MOV10: variants seen among roughly 807,000 people sequenced by gnomAD.
The protein encoded by MOV10 is RNA helicase MOV-10.
In MOV10, 39 loss-of-function variants were observed where a neutral mutation model predicts 108.4. The ratio of observed to expected loss-of-function variants is 0.36; its 90% CI spans 0.28 to 0.47. The LOEUF (loss-of-function observed/expected upper bound fraction) is 0.47, where lower values mean the gene tolerates loss of function less well. Ranked by LOEUF, MOV10 falls within the 20% of genes least tolerant of loss-of-function variation. The probability of loss-of-function intolerance (pLI) is 1.00; values close to 1 mark genes in which losing one functional copy is unlikely to be tolerated. For synonymous variants in MOV10, 490 were observed against 523.1 expected, an observed-to-expected ratio of 0.94 and a Z score of 0.86; for missense variants, 952 against 1,297.6, an observed-to-expected ratio of 0.73 and a Z score of 4.09.
intron 2 of MOV10, among the ~76,000 whole-genome samples, chr1:112,681,580 A>C (rs1672654976): frequency 6.6e-6 from 1 of 152,118 alleles, no homozygotes. Context: ...TAGACCTCTA[A>C]TGCATTGTTG....
chr1:112,677,327 C>T (rs963095200), intron 2 of MOV10, among the ~76,000 whole-genome samples: 1 of 152,110 alleles, frequency 6.6e-6, no homozygotes, highest in Non-Finnish European at 1.5e-5. Flanking sequence ...AAGACAGAAG[C>T]GGGTTTCATC....
intron 17 of MOV10, chr1:112,698,999 C>T (rs1674372215): frequency 1.7e-6 from 1 of 577,768 alleles, no homozygotes; most frequent in Non-Finnish European, 3.1e-6. Flanking sequence ...GTTTAACAAA[C>T]ACCTCCTGTC....
In MOV10 at chr1:112,695,934, C is replaced by T. The variant is rs532462811; in HGVS notation, c.1780-214C>T. 7.6e-4 allele frequency among the ~76,000 whole-genome samples: 116 copies of T among 152,102 alleles called. 1 individual carries two copies. Among genetic ancestry groups the T allele is most frequent in the African/African-American group, 2.6e-3 (109 of 41,498 alleles). On this transcript the variant is annotated intron_variant, in intron 11 of 20. Coordinates refer to ENST00000369645, the MANE Select transcript of MOV10 (RefSeq NM_001321324.2). ...GCGCGTGCCTGTAGCCCCAGCTACTCGGGAGGCTGAGGCACGAGAATTGCT... is the reference window on the plus strand; with the variant it reads ...GCGCGTGCCTGTAGCCCCAGCTACTTGGGAGGCTGAGGCACGAGAATTGCT...
Position 112,694,629 on chromosome 1 carries a change from A to C in MOV10, c.1472A>C (p.Lys491Thr). Residue 491 changes from lysine to threonine, a missense_variant and splice_region_variant, in exon 9 of 21, where the codon AAG becomes ACG. Physicochemically the swap from Lys to Thr is moderately conservative, Grantham distance 78 (BLOSUM62 -1). Coordinates refer to ENST00000369645, the MANE Select transcript of MOV10 (RefSeq NM_001321324.2). The surrounding 1 kb of genome is among the most constrained non-coding windows in gnomAD (Gnocchi z 4.1). The part of the protein sequence containing the change: ...VPLLPSDVKL[K>T]LYDRSLESNP... ...CTGCTGCCCTCAGATGTGAAACTCAAGTGAGACTGTGGGCAGGGAGCTTCT... is the reference window on the plus strand; with the variant it reads ...CTGCTGCCCTCAGATGTGAAACTCACGTGAGACTGTGGGCAGGGAGCTTCT... 4.4e-6 allele frequency: 7 copies of C among 1,598,248 alleles called. No individual in the cohort carries two copies. The highest frequency in any genetic ancestry group is 6.0e-6 in the Non-Finnish European group (7 of 1,170,686).
At position 112,696,492 on chromosome 1, in the gene MOV10, G is replaced by T; in HGVS notation, c.1939G>T (p.Ala647Ser). The change falls in exon 13 of 21, where the codon GCT (alanine) becomes TCT (serine). Residue 647 changes from alanine (A) to serine (S), a missense_variant. Ala to Ser is a moderately conservative substitution (Grantham distance 99). Coordinates refer to ENST00000369645, the MANE Select transcript of MOV10 (RefSeq NM_001321324.2). Reference protein sequence around the residue: ...DHFTHIFIDEAGHCMEPESLV... With the variant: ...DHFTHIFIDESGHCMEPESLV... The stretch of plus-strand genomic sequence containing the variant: ...CTTCACACACATCTTCATCGATGAG[G>T]CTGGCCACTGCATGGAGCCTGAGAG... 6.2e-7 allele frequency: 1 copy of T among 1,614,144 alleles called. No homozygotes were observed. The highest frequency in any genetic ancestry group is 1.1e-5 in the South Asian group (1 of 91,082).
Position 112,694,336 on chromosome 1 carries a change from C to T in MOV10, c.1296-117C>T. ...TACGGCAGCTTCCTCTTCTAGAGAA[C>T]TTGCATAGAGGTCTTGGAAAGAGGG... On this transcript the variant is annotated intron_variant, in intron 8 of 20. Transcript: ENST00000369645. This position sits in a 1 kb window ranked among gnomAD's most constrained non-coding sequence, Gnocchi z 4.1. 3 of 1,455,382 alleles carry T rather than the reference C, an allele frequency of 2.1e-6. No homozygotes were observed. Among genetic ancestry groups the T allele is most frequent in the Non-Finnish European group, 2.8e-6 (3 of 1,054,974 alleles). 90.2% of individuals were successfully genotyped at this position (1,455,382 alleles called of 1,614,324 possible). A position where few individuals can be genotyped will look rare whatever the true frequency, so the allele number is the denominator to read the frequency against.
intron 17 of MOV10, 60 bp downstream of exon 17, chr1:112,698,849 A>G (rs927189636): frequency 2.1e-6 from 3 of 1,436,242 alleles, no homozygotes; most frequent in Non-Finnish European, 2.9e-6. Flanking sequence ...GCCCACTTCC[A>G]GAGACTTCCT....
At chr1:112,699,170 TACCCC>T in intron 17 of MOV10, 1 of 232,140 alleles carries the variant, frequency 4.3e-6, no homozygotes, top group South Asian at 7.5e-5. Flanking sequence ...GAGCTTTTAA[TACCCC>T]GCCCCCATGC....
rs188207425 is a variant in MOV10, at chr1:112,695,552, G to A, written c.1757G>A (p.Arg586His). ...CTCCTGGCCCCCAGCAGGGACATCC[G>A]CATGGTACCTGAGGACATCAAGGTA... ...YRLLAPSRDI[R>H]MVPEDIKPCC... Residue 586 changes from arginine (R) to histidine (H), a missense_variant, in exon 11 of 21, where the codon CGC (arginine) becomes CAC (histidine). By Grantham distance (29) the Arg-to-His change is conservative. Around this residue, in one of 5 missense-constraint regions of MOV10, gnomAD observed 453 missense variants for 611.5 expected, o/e 0.74. Transcript: ENST00000369645. 4.2e-5 allele frequency: 68 copies of A among 1,614,038 alleles called. 1 individual carries two copies. The South Asian group carries it at 5.4e-4, about 13-fold the overall frequency.
In MOV10 at chr1:112,689,084, G is replaced by A. The variant is rs965415458; in HGVS notation, c.287G>A (p.Gly96Glu). Residue 96 changes from glycine (G) to glutamate (E), a missense_variant, in exon 3 of 21, where the codon GGG (glycine) becomes GAG (glutamate). Gly to Glu is a moderately conservative substitution (Grantham distance 98). Around this residue, in one of 5 missense-constraint regions of MOV10, gnomAD observed 374 missense variants for 468.6 expected, o/e 0.80. Coordinates refer to ENST00000369645, the MANE Select transcript of MOV10 (RefSeq NM_001321324.2). Reference sequence around the variant, plus strand: ...CCAGAAAAGAGGAGAATGAAGCTGGGGTCAGATATCAGCAAACACCACAAG... The same window carrying A: ...CCAGAAAAGAGGAGAATGAAGCTGGAGTCAGATATCAGCAAACACCACAAG... The part of the protein sequence containing the change: ...RFPEKRRMKL[G>E]SDISKHHKSL... 2 of 1,612,110 alleles carry A rather than the reference G, an allele frequency of 1.2e-6. No homozygotes were observed. Among genetic ancestry groups the A allele is most frequent in the East Asian group, 2.2e-5 (1 of 44,896 alleles).
At chr1:112,688,643 C>T in intron 2 of MOV10, 3 of 1,325,814 alleles carry the variant, frequency 2.3e-6, no homozygotes, top group East Asian at 3.0e-5. Flanking sequence ...TCCCTCAGTC[C>T]TTCCAGTCAG....
Position 112,675,177 on chromosome 1 carries a change from C to A in MOV10, c.137+128C>A. The A allele has an allele frequency of 9.0e-7, 1 of 1,112,768 alleles. No homozygotes were observed. 68.9% of individuals were successfully genotyped at this position (1,112,768 alleles called of 1,614,324 possible). On this transcript the variant is annotated intron_variant, in intron 2 of 20. Coordinates refer to ENST00000369645, the MANE Select transcript of MOV10 (RefSeq NM_001321324.2). The surrounding 1 kb of genome is among the most constrained non-coding windows in gnomAD (Gnocchi z 4.7). ...GCTCCCCCAGCGGCTCAGGCCAGTC[C>A]CGGGGCGGCGCAGACCTCCCCTCCC...
At position 112,674,934 on chromosome 1, in the gene MOV10, C is replaced by G; in HGVS notation, c.22C>G (p.Arg8Gly). 6.3e-7 allele frequency: 1 copy of G among 1,583,438 alleles called. No homozygotes were observed. The highest frequency in any genetic ancestry group is 8.6e-7 in the Non-Finnish European group (1 of 1,165,748). ...CGCGATGCCCAGTAAGTTCAGCTGC[C>G]GGCAGCTCCGGGAGGCGGGCCAGTG... MPSKFSC[R>G]QLREAGQCFE... Residue 8 changes from arginine to glycine, a missense_variant, in exon 2 of 21, where the codon CGG (arginine) becomes GGG (glycine). Around this residue, in one of 5 missense-constraint regions of MOV10, gnomAD observed 374 missense variants for 468.6 expected, o/e 0.80. Coordinates refer to ENST00000369645, the MANE Select transcript of MOV10 (RefSeq NM_001321324.2).
At chr1:112,686,540 C>A (rs1019316034) in intron 2 of MOV10, among the ~76,000 whole-genome samples, 9 of 152,188 alleles carry the variant, frequency 5.9e-5, no homozygotes, top group Admixed American at 3.9e-4. Flanking sequence ...TCCTACACTT[C>A]CTTGATTATA....
At chr1:112,698,955 T>C in intron 17 of MOV10, 166 bp downstream of exon 17, 1 of 653,606 alleles carries the variant, frequency 1.5e-6, no homozygotes, top group East Asian at 2.6e-5. Context: ...AGATTCCAAC[T>C]TAAGGGTCTG....
In MOV10 at chr1:112,674,854, C is replaced by T; in HGVS notation, c.-59C>T. On this transcript the variant is annotated 5_prime_UTR_variant, in exon 2 of 21. Coordinates refer to ENST00000369645, the MANE Select transcript of MOV10 (RefSeq NM_001321324.2). ...CAGGGCCGCCAACTTCCAGCTGCAGCGGCGACTTTCAGTTTCATTTCCACG... is the reference window on the plus strand; with the variant it reads ...CAGGGCCGCCAACTTCCAGCTGCAGTGGCGACTTTCAGTTTCATTTCCACG... 1 of 1,499,490 alleles carries T rather than the reference C, an allele frequency of 6.7e-7. No homozygotes were observed. The highest frequency in any genetic ancestry group is 2.5e-5 in the Admixed American group (1 of 40,740). 92.9% of individuals were successfully genotyped at this position (1,499,490 alleles called of 1,614,324 possible).
chr1:112,682,921 CTTT>C (rs36031191), intron 2 of MOV10, among the ~76,000 whole-genome samples: 3 of 137,312 alleles, frequency 2.2e-5, no homozygotes, highest in Non-Finnish European at 3.1e-5. Context: ...CTAGGAACAT[CTTT>C]TTTTTTTTTT....
rs1236542658 is a variant in MOV10 at position 112,680,679 on chromosome 1, C to T, written c.137+5630C>T. ...TCAAAAAAAAAAAAAAAAAAAAAAA[C>T]TTTTGGTGATCACCTTTTCATTTAT... On this transcript the variant is annotated intron_variant, in intron 2 of 20. Coordinates refer to ENST00000369645, the MANE Select transcript of MOV10 (RefSeq NM_001321324.2). Among the ~76,000 whole-genome samples, 91 of 119,914 alleles carry T rather than the reference C, an allele frequency of 7.6e-4. 1 individual carries two copies. The highest frequency in any genetic ancestry group is 1.2e-3 in the Non-Finnish European group (72 of 57,606). 78.7% of individuals were successfully genotyped at this position (119,914 alleles called of 152,430 possible).
intron 15 of MOV10, 87 bp from the exon 16 acceptor site, chr1:112,698,200 G>A: frequency 6.3e-7 from 1 of 1,599,274 alleles, no homozygotes; most frequent in South Asian, 1.1e-5. Flanking sequence ...CTTGGCCTAG[G>A]ATCTCTTACT....
Sources: gnomAD v4.1 joint callset for allele counts (sites outside exome capture counted in the v4.1 genomes callset) on GRCh38, gnomAD v4.1.1 for gene constraint, gnomAD v4.1.1 regional missense constraint, Gnocchi (gnomAD v3.1) non-coding constraint, MANE v1.5 for transcripts, NCBI Gene and HGNC (gene_info 2026-07-23, HGNC 2026-07-21) for gene names.